The following CCSER1 variants were observed in gnomAD, a reference collection of about 807,000 sequenced individuals.
CCSER1 encodes coiled-coil serine rich protein 1.
A neutral mutation model predicts 82.0 loss-of-function variants in CCSER1; 41 were observed. That is an observed-to-expected ratio of 0.50 (90% CI 0.39 to 0.65). The LOEUF (loss-of-function observed/expected upper bound fraction) is 0.65, where lower values mean the gene tolerates loss of function less well. CCSER1 is among the 30% of genes least tolerant of loss of function. The pLI, the probability that CCSER1 is intolerant of heterozygous loss-of-function variation, is 0.00. For synonymous variants in CCSER1, 414 were observed against 383.9 expected (o/e 1.08, Z -0.92); for missense variants, 1,119 against 1,064.2 (o/e 1.05, Z -0.72).
At chr4:90,551,586 A>ATGGG (rs1777481768) in intron 5 of CCSER1, among the ~76,000 whole-genome samples, 2 of 151,118 alleles carry the variant, frequency 1.3e-5, no homozygotes, top group Non-Finnish European at 2.9e-5. Flanking sequence ...CCCAAATACA[A>ATGGG]TGGGTGGACC....
At chr4:90,401,726 A>G (rs1752902417) in intron 4 of CCSER1, among the ~76,000 whole-genome samples, 1 of 151,886 alleles carries the variant, frequency 6.6e-6, no homozygotes, top group African/African-American at 2.4e-5. Context: ...ACAGGGTTTC[A>G]CCATGTTGCC....
intron 1 of CCSER1, among the ~76,000 whole-genome samples, chr4:90,255,579 T>C (rs1723136095): frequency 6.6e-6 from 1 of 152,208 alleles, no homozygotes; most frequent in Non-Finnish European, 1.5e-5. Context: ...AAAAATATTT[T>C]GCAAACATAG....
chr4:90,731,662 C>T (rs972410444), intron 7 of CCSER1, among the ~76,000 whole-genome samples: 4 of 152,044 alleles, frequency 2.6e-5, no homozygotes, highest in African/African-American at 9.7e-5. Context: ...TTTAAATAAA[C>T]ATGGCATCAT....
At chr4:90,282,973 A>G (rs1729145948) in intron 1 of CCSER1, among the ~76,000 whole-genome samples, 1 of 152,020 alleles carries the variant, frequency 6.6e-6, no homozygotes, top group Admixed American at 6.6e-5. Flanking sequence ...GTATAAGGAA[A>G]CAAAATGATT....
intron 3 of CCSER1, among the ~76,000 whole-genome samples, chr4:90,354,986 T>C (rs1278583073): frequency 1.3e-5 from 2 of 152,054 alleles, no homozygotes; most frequent in African/African-American, 4.8e-5. Flanking sequence ...GCCATATTAC[T>C]CTCCTTGTTT....
At chr4:90,704,915 CG>C (rs1408708652) in intron 6 of CCSER1, among the ~76,000 whole-genome samples, 1 of 152,088 alleles carries the variant, frequency 6.6e-6, no homozygotes, top group East Asian at 1.9e-4. Flanking sequence ...TTAATGGGTT[CG>C]AACTTCCTTC....
At chr4:91,387,196 T>TA (rs1751351503) in intron 10 of CCSER1, among the ~76,000 whole-genome samples, 1 of 151,920 alleles carries the variant, frequency 6.6e-6, no homozygotes, top group Admixed American at 6.6e-5. Context: ...TATTTAGGGA[T>TA]AAAAATATAT....
chr4:90,423,134 A>G (rs528588550), intron 4 of CCSER1, among the ~76,000 whole-genome samples: 1 of 152,254 alleles, frequency 6.6e-6, no homozygotes, highest in African/African-American at 2.4e-5. Flanking sequence ...TAATTAAAAT[A>G]TATATTATTT....
In CCSER1 at chr4:90,837,297, C is replaced by T. The variant is rs558015394; in HGVS notation, c.2094+21452C>T. Among the ~76,000 whole-genome samples the T allele has an allele frequency of 1.1e-4, 16 of 152,182 alleles. No homozygotes were observed. The South Asian group carries it at 3.3e-3, about 32-fold the overall frequency. Reference sequence around the variant, plus strand: ...AACAAAATATATGGGCACTAAGAGGCACTCTAGAGAAAGACTGAAATTTTT... The same window carrying T: ...AACAAAATATATGGGCACTAAGAGGTACTCTAGAGAAAGACTGAAATTTTT... On this transcript the variant is annotated intron_variant, in intron 8 of 10. Coordinates refer to ENST00000509176, the MANE Select transcript of CCSER1 (RefSeq NM_001145065.2).
intron 1 of CCSER1, among the ~76,000 whole-genome samples, chr4:90,272,183 C>A (rs1402328651): frequency 1.3e-5 from 2 of 151,784 alleles, no homozygotes; most frequent in Non-Finnish European, 2.9e-5. Context: ...ACAGCCAAAC[C>A]GTATCAATAT....
chr4:90,892,681 T>A (rs1723128925), intron 8 of CCSER1, among the ~76,000 whole-genome samples: 1 of 152,080 alleles, frequency 6.6e-6, no homozygotes. Flanking sequence ...TGTTTAACAG[T>A]TATGTAGGCC....
At chr4:91,562,248 GT>G (rs918995365) in intron 10 of CCSER1, among the ~76,000 whole-genome samples, 4 of 150,740 alleles carry the variant, frequency 2.7e-5, no homozygotes, top group African/African-American at 4.9e-5. Flanking sequence ...ATATTGAAGT[GT>G]TTTTTTTCAA....
chr4:91,604,844 G>A lies in CCSER1; in HGVS notation c.*5787G>A, dbSNP rs1320163831. Reference sequence around the variant, plus strand: ...TTTTAAATAAAATGTATTATATTTTGTAGTCAATTATATATACCAAAATAA... The same window carrying A: ...TTTTAAATAAAATGTATTATATTTTATAGTCAATTATATATACCAAAATAA... On this transcript the variant is annotated 3_prime_UTR_variant, in exon 11 of 11. Transcript: ENST00000509176. 5 of 151,828 alleles carry A rather than the reference G, an allele frequency of 3.3e-5. No homozygotes were observed. The highest frequency in any genetic ancestry group is 5.9e-5 in the Non-Finnish European group (4 of 67,900). The allele number at this position is 151,828 out of a possible 1,614,324, so 9.4% of individuals were successfully genotyped here. A position where few individuals can be genotyped will look rare whatever the true frequency, so the allele number is the denominator to read the frequency against.
intron 10 of CCSER1, among the ~76,000 whole-genome samples, chr4:91,512,090 T>C (rs986429083): frequency 1.3e-5 from 2 of 152,204 alleles, no homozygotes; most frequent in African/African-American, 4.8e-5. Context: ...TGATGTTTTG[T>C]AGTTCTCCTT....
intron 9 of CCSER1, among the ~76,000 whole-genome samples, chr4:91,054,353 A>G (rs1743256384): frequency 6.6e-6 from 1 of 152,146 alleles, no homozygotes; most frequent in African/African-American, 2.4e-5. Context: ...ACATCTTTTC[A>G]GCTTAGCACT....
At chr4:91,159,437 G>A (rs1299064764) in intron 10 of CCSER1, among the ~76,000 whole-genome samples, 1 of 151,714 alleles carries the variant, frequency 6.6e-6, no homozygotes, top group Non-Finnish European at 1.5e-5. Flanking sequence ...TTAGATAAAT[G>A]CCAGTATTAA....
At chr4:91,333,331 A>G (rs1747088826) in intron 10 of CCSER1, among the ~76,000 whole-genome samples, 1 of 152,052 alleles carries the variant, frequency 6.6e-6, no homozygotes. Flanking sequence ...TGCAAGTGTT[A>G]TGTCACCTGA....
At chr4:90,140,591 G>A (rs1022808811) in intron 1 of CCSER1, among the ~76,000 whole-genome samples, 1 of 148,700 alleles carries the variant, frequency 6.7e-6, no homozygotes, top group South Asian at 2.2e-4. Flanking sequence ...ACACAGGTAT[G>A]TAGTAATTAA....
At chr4:90,295,809 G>A (rs1731780027) in intron 1 of CCSER1, among the ~76,000 whole-genome samples, 1 of 151,878 alleles carries the variant, frequency 6.6e-6, no homozygotes, top group Non-Finnish European at 1.5e-5. Context: ...CCACATCCTG[G>A]CTTAGCTTCT....
Sources: gnomAD v4.1 joint callset for allele counts (sites outside exome capture counted in the v4.1 genomes callset) on GRCh38, gnomAD v4.1.1 for gene constraint, MANE v1.5 for transcripts, NCBI Gene and HGNC (gene_info 2026-07-23, HGNC 2026-07-21) for gene names.